Variants in PACRG observed in about 807,000 individuals in gnomAD.
PACRG encodes the protein parkin coregulated.
PACRG carries 29 observed loss-of-function variants against 29.7 expected under a neutral mutation model. The observed-to-expected ratio is 0.98, with a 90% confidence interval of 0.73 to 1.33. PACRG has a LOEUF of 1.33. PACRG is among the 40% of genes most tolerant of loss of function. The pLI is 0.00. For missense variants in PACRG, 279 were observed against 316.2 expected (o/e 0.88, Z 0.89); for synonymous variants, 116 against 118.7 (o/e 0.98, Z 0.15).
chr6:163,033,060 A>G (rs902512050), intron 2 of PACRG, among the ~76,000 whole-genome samples: 1 of 152,190 alleles, frequency 6.6e-6, no homozygotes, highest in Admixed American at 6.5e-5. Flanking sequence ...AAAACAATCC[A>G]TTAATCCTTT....
intron 2 of PACRG, among the ~76,000 whole-genome samples, chr6:162,926,176 TATTCCATCCTC>T (rs1797425719): frequency 6.6e-6 from 1 of 151,982 alleles, no homozygotes. Flanking sequence ...AATGCAAATA[TATTCCATCCTC>T]ATGGATAGGA....
intron 4 of PACRG, among the ~76,000 whole-genome samples, chr6:163,160,750 GA>G (rs1244319871): frequency 1.3e-5 from 2 of 152,126 alleles, no homozygotes; most frequent in Non-Finnish European, 2.9e-5. Context: ...TACTGAACCT[GA>G]AACTTGCTGA....
intron 4 of PACRG, among the ~76,000 whole-genome samples, chr6:163,146,872 A>C (rs761383640): frequency 1.3e-5 from 2 of 152,214 alleles, no homozygotes; most frequent in Non-Finnish European, 2.9e-5. Flanking sequence ...ATTCATTTTC[A>C]CAATATTCCT....
intron 2 of PACRG, among the ~76,000 whole-genome samples, chr6:163,027,811 C>T (rs751423398): frequency 1.1e-4 from 16 of 152,246 alleles, no homozygotes; most frequent in Admixed American, 2.6e-4. Flanking sequence ...GCTCCTTCAT[C>T]TGCATAGAAT....
At chr6:163,058,103 G>C (rs374082633) in intron 2 of PACRG, among the ~76,000 whole-genome samples, 1 of 152,200 alleles carries the variant, frequency 6.6e-6, no homozygotes, top group Non-Finnish European at 1.5e-5. Context: ...CTCAGGTAGA[G>C]AGAAGGGTAA....
intron 4 of PACRG, among the ~76,000 whole-genome samples, chr6:163,228,795 A>G (rs1259821413): frequency 2.0e-5 from 3 of 152,236 alleles, no homozygotes; most frequent in East Asian, 3.8e-4. Context: ...GACACATCAC[A>G]TAAGTCTTAA....
intron 1 of PACRG, among the ~76,000 whole-genome samples, chr6:162,785,872 T>A (rs1221617088): frequency 6.6e-6 from 1 of 152,138 alleles, no homozygotes. Context: ...CCATGTAGGA[T>A]AACAAACAAG....
intron 4 of PACRG, among the ~76,000 whole-genome samples, chr6:163,260,635 GGGTAGAGACA>G (rs1313231231): frequency 1.3e-5 from 2 of 152,178 alleles, no homozygotes; most frequent in Admixed American, 1.3e-4. Context: ...GGTCTTCCCT[GGGTAGAGACA>G]GGGAAAGAAT....
chr6:163,281,521 C>A (rs572415325), intron 4 of PACRG, among the ~76,000 whole-genome samples: 1 of 151,932 alleles, frequency 6.6e-6, no homozygotes, highest in African/African-American at 2.4e-5. Flanking sequence ...TAAAAAATAA[C>A]AATAGCCAAA....
At chr6:163,071,972 A>G (rs973884873) in intron 3 of PACRG, among the ~76,000 whole-genome samples, 1 of 152,024 alleles carries the variant, frequency 6.6e-6, no homozygotes, top group Non-Finnish European at 1.5e-5. Flanking sequence ...CCAGGACTCA[A>G]TGGCTTCACT....
rs148488601 is a variant in PACRG at position 163,292,575 on chromosome 6, A to ATTTAT, written c.614-22250_614-22249insTATTT. ...GCCACCACGCCCAGCTAATTTATGT[A>ATTTAT]TTATTTATTTATTTATTTATTTATT... On this transcript the variant is annotated intron_variant, in intron 4 of 4. Coordinates refer to ENST00000366888, the MANE Select transcript of PACRG (RefSeq NM_001080379.2). 3.1e-3 allele frequency among the ~76,000 whole-genome samples: 303 copies of ATTTAT among 97,974 alleles called. 2 individuals carry two copies. The highest frequency in any genetic ancestry group is 0.011 in the African/African-American group (290 of 27,370). The allele number at this position is 97,974 out of a possible 152,430, so 64.3% of individuals were successfully genotyped here.
chr6:163,116,459 G>C (rs573037290), intron 4 of PACRG, among the ~76,000 whole-genome samples: 8 of 152,116 alleles, frequency 5.3e-5, no homozygotes, highest in South Asian at 2.1e-4. Flanking sequence ...GTATCAAATG[G>C]GGGGGATGTG....
chr6:162,994,561 C>T (rs557211867), intron 2 of PACRG, among the ~76,000 whole-genome samples: 41 of 152,124 alleles, frequency 2.7e-4, no homozygotes, highest in East Asian at 1.4e-3. Context: ...GCATTCTTCA[C>T]GTAGTTCTCG....
At chr6:162,826,167 T>C (rs1788259827) in intron 2 of PACRG, among the ~76,000 whole-genome samples, 1 of 152,176 alleles carries the variant, frequency 6.6e-6, no homozygotes, top group Non-Finnish European at 1.5e-5. Context: ...GTATTTCCCA[T>C]GGAAGTCCCT....
intron 4 of PACRG, among the ~76,000 whole-genome samples, chr6:163,311,130 C>G (rs1433856426): frequency 1.1e-4 from 16 of 152,158 alleles, no homozygotes; most frequent in Admixed American, 1.0e-3. Context: ...TAATTCTTAA[C>G]CAAGAACAAC....
At chr6:163,304,495 G>A (rs1268770464) in intron 4 of PACRG, among the ~76,000 whole-genome samples, 16 of 152,328 alleles carry the variant, frequency 1.1e-4, no homozygotes, top group Admixed American at 7.8e-4. Context: ...CGAGGTGGTA[G>A]AATGCAAAAG....
intron 4 of PACRG, among the ~76,000 whole-genome samples, chr6:163,245,320 A>G (rs1478513962): frequency 6.6e-6 from 1 of 152,222 alleles, no homozygotes; most frequent in Non-Finnish European, 1.5e-5. Context: ...ATTTTCAGAG[A>G]CATAAAATTT....
intron 2 of PACRG, among the ~76,000 whole-genome samples, chr6:162,900,728 C>T (rs1045944540): frequency 6.6e-6 from 1 of 152,162 alleles, no homozygotes; most frequent in Non-Finnish European, 1.5e-5. Flanking sequence ...CTGCTGCCTC[C>T]GGGACTTGCT....
chr6:162,904,360 C>T (rs1248313060), intron 2 of PACRG, among the ~76,000 whole-genome samples: 1 of 152,214 alleles, frequency 6.6e-6, no homozygotes, highest in Non-Finnish European at 1.5e-5. Context: ...CACACAGACT[C>T]AGGAAAACCA....
Sources: allele counts gnomAD v4.1 joint callset (sites outside exome capture counted in the v4.1 genomes callset), GRCh38; gene constraint gnomAD v4.1.1; transcripts MANE v1.5; gene names NCBI Gene and HGNC (gene_info 2026-07-23, HGNC 2026-07-21).